Variants in CSMD2 observed in about 807,000 individuals in gnomAD.
CSMD2 encodes CUB and Sushi multiple domains 2.
In CSMD2, 130 loss-of-function variants were observed where a neutral mutation model predicts 398.5. The observed-to-expected ratio is 0.33, with a 90% CI of 0.28 to 0.38. CSMD2 has a LOEUF of 0.38. CSMD2 is among the 10% of genes least tolerant of loss of function. The pLI is 1.00. For missense variants in CSMD2, 3,829 were observed against 4,764.9 expected (o/e 0.80, Z 5.78); for synonymous variants, 1,828 against 1,908.5 (o/e 0.96, Z 1.10).
At chr1:33,990,468 C>T (rs181438628) in intron 3 of CSMD2, among the ~76,000 whole-genome samples, 5 of 152,086 alleles carry the variant, frequency 3.3e-5, no homozygotes, top group South Asian at 2.1e-4. Flanking sequence ...GAGTGTTGCA[C>T]GAAACACATT....
chr1:33,756,199 T>C (rs1370094777), intron 13 of CSMD2, among the ~76,000 whole-genome samples: 1 of 152,230 alleles, frequency 6.6e-6, no homozygotes, highest in Non-Finnish European at 1.5e-5. Flanking sequence ...TTAGGGCACC[T>C]CATCCTCACG....
chr1:33,674,610 A>C (rs540501645), intron 25 of CSMD2, among the ~76,000 whole-genome samples: 113 of 152,346 alleles, frequency 7.4e-4, no homozygotes, highest in African/African-American at 2.6e-3. Context: ...AAGCAGACCT[A>C]ATAGACATCT....
intron 1 of CSMD2, among the ~76,000 whole-genome samples, chr1:34,103,750 C>T (rs1660254646): frequency 2.7e-5 from 2 of 74,704 alleles, no homozygotes. Flanking sequence ...TTGCCGTTAA[C>T]AATGATGGCA....
rs191378223 is a variant in CSMD2, at chr1:34,005,625, C to T, written c.517+26969G>A. 5.0e-3 allele frequency among the ~76,000 whole-genome samples: 755 copies of T among 152,272 alleles called. 6 individuals carry two copies. The highest frequency in any genetic ancestry group is 8.1e-3 in the Non-Finnish European group (549 of 68,010). On this transcript the variant is annotated intron_variant, in intron 3 of 70. Coordinates refer to ENST00000373381, the MANE Select transcript of CSMD2 (RefSeq NM_001281956.2). ...AAGCTTGAACCTTCCTTGCACTCAC[C>T]GGTTTGGTATAGTGTCTATGACTGA...
chr1:34,062,947 C>G (rs2148269307), intron 2 of CSMD2, among the ~76,000 whole-genome samples: 1 of 152,208 alleles, frequency 6.6e-6, no homozygotes, highest in South Asian at 2.1e-4. Flanking sequence ...AGGGAGGCCT[C>G]AGAATCATGG....
chr1:33,871,685 C>T (rs1016549624), intron 5 of CSMD2, among the ~76,000 whole-genome samples: 4 of 152,156 alleles, frequency 2.6e-5, no homozygotes, highest in Non-Finnish European at 2.9e-5. Flanking sequence ...AGCGTGATCT[C>T]GGCTCACTAC....
At chr1:33,910,994 T>C (rs1254124315) in intron 5 of CSMD2, among the ~76,000 whole-genome samples, 1 of 152,184 alleles carries the variant, frequency 6.6e-6, no homozygotes, top group Non-Finnish European at 1.5e-5. Flanking sequence ...TTATACCTCT[T>C]AGAAAAGCAC....
chr1:33,883,728 C>T (rs569615265), intron 5 of CSMD2, among the ~76,000 whole-genome samples: 3 of 152,268 alleles, frequency 2.0e-5, no homozygotes, highest in South Asian at 2.1e-4. Flanking sequence ...CCATATGATC[C>T]CTGGGACACA....
chr1:33,635,498 C>T lies in CSMD2; in HGVS notation c.4970-168G>A, dbSNP rs977659914. On this transcript the variant is annotated intron_variant, in intron 30 of 70. Coordinates refer to ENST00000373381, the MANE Select transcript of CSMD2 (RefSeq NM_001281956.2). The surrounding 1 kb of genome is among the most constrained non-coding windows in gnomAD (Gnocchi z 5.0). ...CTGCGGACCCTGCCCTGCCCAAGAA[C>T]GTGCACCCCTGGCCTGGCATGTAGC... Among the ~76,000 whole-genome samples, 4 of 152,220 alleles carry T rather than the reference C, an allele frequency of 2.6e-5. No individual in the cohort carries two copies. Among genetic ancestry groups the T allele is most frequent in the South Asian group, 2.1e-4 (1 of 4,838 alleles).
chr1:34,122,602 C>A (rs906197344), intron 1 of CSMD2, among the ~76,000 whole-genome samples: 1 of 152,110 alleles, frequency 6.6e-6, no homozygotes, highest in Non-Finnish European at 1.5e-5. Flanking sequence ...AAAGGTCTAC[C>A]TATTTCCTCT....
intron 1 of CSMD2, 39 bp from the exon 2 acceptor site, chr1:34,089,232 T>A: frequency 1.3e-6 from 2 of 1,571,354 alleles, no homozygotes; most frequent in South Asian, 1.1e-5. Context: ...ATAGCCAGAA[T>A]AACTCCTAGA....
chr1:33,541,620 CCA>C (rs1430088181), intron 58 of CSMD2, among the ~76,000 whole-genome samples: 2 of 152,220 alleles, frequency 1.3e-5, no homozygotes, highest in Non-Finnish European at 2.9e-5. Context: ...GCATGAGCCA[CCA>C]CACCCAGCTT....
At chr1:33,951,024 C>G (rs1644992885) in intron 3 of CSMD2, among the ~76,000 whole-genome samples, 1 of 152,180 alleles carries the variant, frequency 6.6e-6, no homozygotes, top group Admixed American at 6.5e-5. Context: ...TTCTAGACAC[C>G]TGAGAACCCC....
At chr1:34,077,325 C>T (rs1386866074) in intron 2 of CSMD2, among the ~76,000 whole-genome samples, 2 of 150,082 alleles carry the variant, frequency 1.3e-5, no homozygotes, top group Admixed American at 6.7e-5. Flanking sequence ...GGCGCGGTGG[C>T]GGGCGCCTGT....
At chr1:33,979,015 A>T (rs146046260) in intron 3 of CSMD2, among the ~76,000 whole-genome samples, 145 of 152,278 alleles carry the variant, frequency 9.5e-4, no homozygotes, top group African/African-American at 3.4e-3. Flanking sequence ...GATCAACCAC[A>T]GCCATCTCCA....
intron 9 of CSMD2, among the ~76,000 whole-genome samples, chr1:33,818,475 T>C (rs538843524): frequency 6.6e-6 from 1 of 152,308 alleles, no homozygotes; most frequent in African/African-American, 2.4e-5. Context: ...AATCTCCACA[T>C]TAAACAGAAG....
intron 11 of CSMD2, 62 bp downstream of exon 11, chr1:33,792,361 C>A: frequency 8.2e-7 from 1 of 1,212,938 alleles, no homozygotes; most frequent in Non-Finnish European, 1.2e-6. Context: ...ACTCCACAAA[C>A]CCCACCCCAC....
chr1:33,971,101 C>A (rs867911883), intron 3 of CSMD2, among the ~76,000 whole-genome samples: 1 of 152,150 alleles, frequency 6.6e-6, no homozygotes, highest in South Asian at 2.1e-4. Context: ...GCAGCCCTTG[C>A]GGTGTCTGCC....
At chr1:33,932,797 C>T (rs1644355407) in intron 4 of CSMD2, among the ~76,000 whole-genome samples, 1 of 152,100 alleles carries the variant, frequency 6.6e-6, no homozygotes, top group African/African-American at 2.4e-5. Context: ...CTACCCTATA[C>T]CTAAATAGCT....
Sources: allele counts gnomAD v4.1 joint callset (sites outside exome capture counted in the v4.1 genomes callset), GRCh38; gene constraint gnomAD v4.1.1; non-coding constraint Gnocchi (gnomAD v3.1); transcripts MANE v1.5; gene names NCBI Gene and HGNC (gene_info 2026-07-23, HGNC 2026-07-21).